Variants in OXR1 observed in about 807,000 individuals in gnomAD.
OXR1 encodes oxidation resistance 1.
Under a neutral mutation model 104.6 loss-of-function variants are expected in OXR1, and 41 were observed. The observed-to-expected ratio is 0.39, with a 90% CI of 0.31 to 0.51. The LOEUF is 0.51. Ranked by LOEUF, OXR1 falls within the 20% of genes least tolerant of loss-of-function variation. The probability of loss-of-function intolerance (pLI) is 0.77; values close to 1 mark genes in which losing one functional copy is unlikely to be tolerated. For missense variants in OXR1, 955 were observed against 1,031.9 expected, an observed-to-expected ratio of 0.93 and a Z score of 1.02; for synonymous variants, 348 against 348.4, an observed-to-expected ratio of 1.00 and a Z score of 0.01.
chr8:106,342,992 G>A (rs1815318776), intron 1 of OXR1, among the ~76,000 whole-genome samples: 1 of 152,112 alleles, frequency 6.6e-6, no homozygotes, highest in East Asian at 1.9e-4. Flanking sequence ...TATACCCTGG[G>A]AGTCATCTTA....
chr8:106,625,273 T>C (rs1435524061), intron 3 of OXR1, among the ~76,000 whole-genome samples: 1 of 152,170 alleles, frequency 6.6e-6, no homozygotes, highest in African/African-American at 2.4e-5. Flanking sequence ...AGCAGTCGTG[T>C]GTACCTGTAA....
chr8:106,419,626 C>T (rs1378547800), intron 2 of OXR1, among the ~76,000 whole-genome samples: 1 of 152,144 alleles, frequency 6.6e-6, no homozygotes, highest in African/African-American at 2.4e-5. Flanking sequence ...TACCAAAGTC[C>T]CCAGCTCTGT....
intron 1 of OXR1, among the ~76,000 whole-genome samples, chr8:106,278,183 C>T (rs535932652): frequency 6.6e-6 from 1 of 152,292 alleles, no homozygotes; most frequent in South Asian, 2.1e-4. Context: ...CTTCAATCTA[C>T]ATCATTAGAC....
chr8:106,529,969 T>G (rs181032559), intron 3 of OXR1, among the ~76,000 whole-genome samples: 233 of 152,316 alleles, frequency 1.5e-3, no homozygotes, highest in African/African-American at 5.2e-3. Flanking sequence ...AAATTAGTCT[T>G]TCACTGCTGT....
intron 3 of OXR1, chr8:106,522,904 T>G (rs531697601): frequency 1.3e-5 from 2 of 152,328 alleles, no homozygotes; most frequent in East Asian, 3.9e-4. Flanking sequence ...GCTCTGTAGT[T>G]CAGTCCACAC....
At chr8:106,386,209 C>A (rs1309804350) in intron 2 of OXR1, among the ~76,000 whole-genome samples, 1 of 152,152 alleles carries the variant, frequency 6.6e-6, no homozygotes, top group Non-Finnish European at 1.5e-5. Flanking sequence ...AACAAGATCC[C>A]TAGTGGATGC....
chr8:106,545,160 G>T (rs1270373078), intron 3 of OXR1, among the ~76,000 whole-genome samples: 1 of 152,088 alleles, frequency 6.6e-6, no homozygotes, highest in East Asian at 1.9e-4. Context: ...CATGTACCCT[G>T]GGGGCAAAGT....
At chr8:106,332,945 G>A (rs1011238463) in intron 1 of OXR1, among the ~76,000 whole-genome samples, 1 of 151,922 alleles carries the variant, frequency 6.6e-6, no homozygotes, top group Non-Finnish European at 1.5e-5. Flanking sequence ...ATGTTCTCAA[G>A]GTTCATTCAT....
At chr8:106,420,960 C>T (rs138743380) in intron 2 of OXR1, among the ~76,000 whole-genome samples, 79 of 152,056 alleles carry the variant, frequency 5.2e-4, no homozygotes, top group African/African-American at 1.7e-3. Context: ...GAGTCAAGAT[C>T]GGCTGTCTCT....
chr8:106,625,134 T>A (rs750624808), intron 3 of OXR1, among the ~76,000 whole-genome samples: 32 of 152,164 alleles, frequency 2.1e-4, no homozygotes, highest in Non-Finnish European at 4.4e-4. Context: ...GAAATTATGA[T>A]ACCAAAAGGT....
chr8:106,655,479 A>T (rs1281881229), intron 3 of OXR1, among the ~76,000 whole-genome samples: 1 of 152,148 alleles, frequency 6.6e-6, no homozygotes. Context: ...CACAGACAAC[A>T]TAATTAGACT....
chr8:106,622,378 A>G (rs745730280), intron 3 of OXR1, among the ~76,000 whole-genome samples: 10 of 151,688 alleles, frequency 6.6e-5, no homozygotes, highest in South Asian at 2.1e-4. Flanking sequence ...TCAAACATGA[A>G]TCTCATTGTA....
intron 2 of OXR1, among the ~76,000 whole-genome samples, chr8:106,372,008 C>G (rs1563741938): frequency 6.6e-6 from 1 of 152,254 alleles, no homozygotes; most frequent in Admixed American, 6.5e-5. Flanking sequence ...CCACAAGGAG[C>G]TCAAAGGACT....
intron 1 of OXR1, among the ~76,000 whole-genome samples, chr8:106,284,007 C>A (rs758552034): frequency 1.3e-4 from 20 of 151,884 alleles, no homozygotes; most frequent in Non-Finnish European, 2.9e-4. Context: ...CAGCCTCTTC[C>A]CAAATGCACA....
rs757287230 is a variant in OXR1 at position 106,726,067 on chromosome 8, A to G, written c.1957-11453A>G. 5.8e-5 allele frequency: 52 copies of G among 901,478 alleles called. 1 individual carries two copies. The South Asian group carries it at 7.3e-4, about 13-fold the overall frequency. 55.8% of individuals were successfully genotyped at this position (901,478 alleles called of 1,614,324 possible). ...GCCTCCACTCAGGACTATCATTGCT[A>G]TGGATACTACTTAGTGATTAGCTCT... On this transcript the variant is annotated intron_variant, in intron 11 of 16. Transcript: ENST00000517566.
At chr8:106,628,960 A>G (rs1203121225) in intron 3 of OXR1, among the ~76,000 whole-genome samples, 2 of 152,150 alleles carry the variant, frequency 1.3e-5, no homozygotes, top group Non-Finnish European at 2.9e-5. Flanking sequence ...CTTCCATTTA[A>G]TGTTTAACTG....
chr8:106,387,207 A>G (rs1351440467), intron 2 of OXR1, among the ~76,000 whole-genome samples: 1 of 152,256 alleles, frequency 6.6e-6, no homozygotes, highest in African/African-American at 2.4e-5. Context: ...AAGATTAATT[A>G]TCCTTGAAGC....
intron 3 of OXR1, among the ~76,000 whole-genome samples, chr8:106,531,188 G>A (rs1189140283): frequency 6.6e-6 from 1 of 152,094 alleles, no homozygotes; most frequent in African/African-American, 2.4e-5. Context: ...TGAACCTTCT[G>A]TCTTACAGAA....
intron 1 of OXR1, among the ~76,000 whole-genome samples, chr8:106,332,805 C>T (rs1416225014): frequency 6.6e-6 from 1 of 152,032 alleles, no homozygotes; most frequent in African/African-American, 2.4e-5. Context: ...CCCTGGACAC[C>T]ATATTCTACT....
Sources: allele counts gnomAD v4.1 joint callset (sites outside exome capture counted in the v4.1 genomes callset), GRCh38; gene constraint gnomAD v4.1.1; transcripts MANE v1.5; gene names NCBI Gene and HGNC (gene_info 2026-07-23, HGNC 2026-07-21).